ALCAM: variants seen among roughly 807,000 people sequenced by gnomAD.
ALCAM encodes the protein CD166 antigen.
ALCAM carries 30 observed loss-of-function variants against 70.9 expected under a neutral mutation model. The ratio of observed to expected loss-of-function variants is 0.42; its 90% confidence interval spans 0.32 to 0.57. The LOEUF (loss-of-function observed/expected upper bound fraction) is 0.57. Among genes scored for constraint, ALCAM ranks in the 20% least tolerant of loss-of-function variants. ALCAM has a pLI of 0.11. For missense variants in ALCAM, 591 were observed against 695.1 expected, an observed-to-expected ratio of 0.85 and a Z score of 1.68; for synonymous variants, 249 against 242.5, an observed-to-expected ratio of 1.03 and a Z score of -0.25.
In ALCAM at chr3:105,563,667, C is replaced by CTTTT. The variant is rs749625480; in HGVS notation, c.1665-8157_1665-8154dup. ...GACCTGTATGAAATTCCAAGCATTT[C>CTTTT]TTTTTTTTTTTTTTTTTTTTTTTTT... On this transcript the variant is annotated intron_variant, in intron 14 of 15. Transcript: ENST00000306107. 5.0e-4 allele frequency among the ~76,000 whole-genome samples: 26 copies of CTTTT among 52,048 alleles called. 6 individuals carry two copies. Among genetic ancestry groups the CTTTT allele is most frequent in the African/African-American group, 1.2e-3 (12 of 9,898 alleles). 34.1% of individuals were successfully genotyped at this position (52,048 alleles called of 152,430 possible).
chr3:105,465,219 AT>A (rs1203681068), intron 1 of ALCAM, among the ~76,000 whole-genome samples: 2 of 151,458 alleles, frequency 1.3e-5, no homozygotes, highest in Middle Eastern at 3.2e-3. Flanking sequence ...CAACGATGTG[AT>A]TTTGAAAGAG....
chr3:105,462,099 G>C (rs1176539522), intron 1 of ALCAM, among the ~76,000 whole-genome samples: 1 of 151,608 alleles, frequency 6.6e-6, no homozygotes, highest in Non-Finnish European at 1.5e-5. Context: ...AAGCAAATGA[G>C]TATTAAACAA....
chr3:105,473,084 T>G (rs1937981876), intron 1 of ALCAM, among the ~76,000 whole-genome samples: 1 of 151,662 alleles, frequency 6.6e-6, no homozygotes, highest in East Asian at 1.9e-4. Context: ...TTTCCCATTG[T>G]TTTTAGTTTC....
chr3:105,524,902 G>A, intron 3 of ALCAM: 2 of 987,146 alleles, frequency 2.0e-6, no homozygotes, highest in South Asian at 9.4e-5. Context: ...CATGTATTTG[G>A]CTGAACCAAA....
intron 1 of ALCAM, among the ~76,000 whole-genome samples, chr3:105,373,909 A>G (rs1488946021): frequency 6.6e-6 from 1 of 152,370 alleles, no homozygotes; most frequent in East Asian, 1.9e-4. Flanking sequence ...AGGATATAAT[A>G]TTCCTCACTG....
intron 11 of ALCAM, among the ~76,000 whole-genome samples, chr3:105,549,669 A>G (rs1029938747): frequency 2.6e-5 from 4 of 151,480 alleles, no homozygotes; most frequent in Non-Finnish European, 5.9e-5. Flanking sequence ...TCATGTACCC[A>G]TGAGCAAATT....
At chr3:105,564,782 ACACTTGTAATCCCAC>A (rs1307608987) in intron 14 of ALCAM, among the ~76,000 whole-genome samples, 9 of 152,334 alleles carry the variant, frequency 5.9e-5, no homozygotes, top group African/African-American at 2.2e-4. Context: ...TGGGTGGCTC[ACACTTGTAATCCCAC>A]CACTTCGGGA....
At chr3:105,454,487 A>G (rs1379344973) in intron 1 of ALCAM, among the ~76,000 whole-genome samples, 1 of 151,972 alleles carries the variant, frequency 6.6e-6, no homozygotes, top group African/African-American at 2.4e-5. Flanking sequence ...ATTTTTAGAC[A>G]GGGGAGACTG....
At position 105,492,552 on chromosome 3, in the gene ALCAM, G is replaced by T. The variant is rs140177894; in HGVS notation, c.74-27515G>T. On this transcript the variant is annotated intron_variant, in intron 1 of 15. Transcript: ENST00000306107. ...CTGACTATTTAAATTTTATTTGCAAGATATCATTAGTCTGTGCTTATTTCC... is the reference window on the plus strand; with the variant it reads ...CTGACTATTTAAATTTTATTTGCAATATATCATTAGTCTGTGCTTATTTCC... 6.2e-3 allele frequency among the ~76,000 whole-genome samples: 937 copies of T among 152,258 alleles called. 14 individuals are homozygous for T. The highest frequency in any genetic ancestry group is 0.022 in the African/African-American group (895 of 41,548).
intron 2 of ALCAM, among the ~76,000 whole-genome samples, chr3:105,522,716 A>G (rs1219582741): frequency 1.3e-5 from 2 of 152,194 alleles, no homozygotes; most frequent in African/African-American, 4.8e-5. Context: ...CTCTGCTAAG[A>G]TTTCCCAGCC....
chr3:105,410,457 T>C (rs1416263097), intron 1 of ALCAM, among the ~76,000 whole-genome samples: 1 of 152,024 alleles, frequency 6.6e-6, no homozygotes, highest in Non-Finnish European at 1.5e-5. Flanking sequence ...GTTTGAGTCT[T>C]TATGTAGTAC....
In ALCAM at chr3:105,454,250, A is replaced by C. The variant is rs143139965; in HGVS notation, c.74-65817A>C. ...CTCTTCTTAATTTATTCATATCCACAGTGACGAATTGCACAAAATTATCCA... is the reference window on the plus strand; with the variant it reads ...CTCTTCTTAATTTATTCATATCCACCGTGACGAATTGCACAAAATTATCCA... On this transcript the variant is annotated intron_variant, in intron 1 of 15. Coordinates refer to ENST00000306107, the MANE Select transcript of ALCAM (RefSeq NM_001627.4). Among the ~76,000 whole-genome samples the C allele has an allele frequency of 7.9e-4, 121 of 152,338 alleles. 2 individuals are homozygous for C. The East Asian group carries it at 0.023, about 29-fold the overall frequency.
chr3:105,389,010 T>G (rs1935728179), intron 1 of ALCAM, among the ~76,000 whole-genome samples: 1 of 151,588 alleles, frequency 6.6e-6, no homozygotes, highest in Non-Finnish European at 1.5e-5. Context: ...AATAATAGTA[T>G]TTATATGAAT....
At chr3:105,490,278 T>TTGA (rs1938545037) in intron 1 of ALCAM, among the ~76,000 whole-genome samples, 1 of 152,216 alleles carries the variant, frequency 6.6e-6, no homozygotes, top group Non-Finnish European at 1.5e-5. Context: ...AAGCATTCAG[T>TTGA]TGATGCCTTG....
intron 1 of ALCAM, among the ~76,000 whole-genome samples, chr3:105,422,946 A>G (rs902116243): frequency 6.6e-6 from 1 of 151,508 alleles, no homozygotes; most frequent in African/African-American, 2.4e-5. Flanking sequence ...TTGAAAATAC[A>G]GTAGCTATCC....
intron 6 of ALCAM, 62 bp downstream of exon 6, chr3:105,534,907 T>C (rs1939932436): frequency 6.9e-7 from 1 of 1,450,484 alleles, no homozygotes; most frequent in Admixed American, 2.2e-5. Flanking sequence ...CAAATGCTAT[T>C]AATCTTTGAG....
At chr3:105,492,034 G>T (rs984256384) in intron 1 of ALCAM, among the ~76,000 whole-genome samples, 6 of 152,178 alleles carry the variant, frequency 3.9e-5, no homozygotes, top group Non-Finnish European at 5.9e-5. Flanking sequence ...ATAAAGGAAA[G>T]AGGTTTAATG....
chr3:105,551,750 A>T (rs1208957725), intron 12 of ALCAM, among the ~76,000 whole-genome samples: 1 of 151,564 alleles, frequency 6.6e-6, no homozygotes, highest in Non-Finnish European at 1.5e-5. Flanking sequence ...GAATTCTCCT[A>T]TATCGGGCAG....
chr3:105,562,401 T>A (rs983530924), intron 14 of ALCAM, among the ~76,000 whole-genome samples: 1 of 152,220 alleles, frequency 6.6e-6, no homozygotes, highest in Non-Finnish European at 1.5e-5. Context: ...ATTAAAATAA[T>A]CATATTGTTT....
Sources: allele counts gnomAD v4.1 joint callset (sites outside exome capture counted in the v4.1 genomes callset), GRCh38; gene constraint gnomAD v4.1.1; transcripts MANE v1.5; gene names NCBI Gene and HGNC (gene_info 2026-07-23, HGNC 2026-07-21).